The following PVALEF variants were observed in gnomAD, a reference collection of about 807,000 sequenced individuals.
PVALEF encodes the protein parvalbumin-like EF-hand-containing protein.
Under a neutral mutation model 1.2 loss-of-function variants are expected in PVALEF, and 2 were observed. That is an observed-to-expected ratio of 1.68 (90% CI 0.69 to 5.28). The LOEUF (loss-of-function observed/expected upper bound fraction) is 5.28. Among genes scored for constraint, PVALEF ranks in the 30% most tolerant of loss-of-function variants. The pLI, the probability that PVALEF is intolerant of heterozygous loss-of-function variation, is 0.06. For synonymous variants in PVALEF, 16 were observed against 6.5 expected (o/e 2.47, Z -2.24); for missense variants, 35 against 17.7 (o/e 1.97, Z -1.75).
chr17:81,166,946 T>C (rs1169616850), intron 2 of PVALEF, 102 bp downstream of exon 2: 2 of 325,176 alleles, frequency 6.2e-6, no homozygotes, highest in Non-Finnish European at 1.2e-5. Context: ...CCTTGCAGGG[T>C]TGGGGCGGGG....
In PVALEF at chr17:81,181,007, C is replaced by T. The variant is rs2061551721; in HGVS notation, c.-104-116C>T. The T allele has an allele frequency of 1.9e-5, 10 of 515,130 alleles. No homozygotes were observed. In the South Asian group the frequency reaches 2.1e-4, roughly 11 times the overall value. The allele number at this position is 515,130 out of a possible 1,614,324, so 31.9% of individuals were successfully genotyped here. On this transcript the variant is annotated intron_variant, in intron 3 of 6. Coordinates refer to ENST00000637878, the MANE Select transcript of PVALEF (RefSeq NM_001354639.2). ...GCGCACAGGATGGCCCGGCCCCTCC[C>T]GCTGACCCCTCTGCCTGTGCCCAGA...
intron 2 of PVALEF, among the ~76,000 whole-genome samples, chr17:81,173,548 T>C (rs976521276): frequency 1.3e-5 from 2 of 152,154 alleles, no homozygotes; most frequent in African/African-American, 2.4e-5. Flanking sequence ...TATCTTGCTC[T>C]ATAGGAAAGC....
chr17:81,169,808 GTA>G (rs2061512251), intron 2 of PVALEF, among the ~76,000 whole-genome samples: 1 of 151,558 alleles, frequency 6.6e-6, no homozygotes, highest in Non-Finnish European at 1.5e-5. Flanking sequence ...GTCTTGGTAT[GTA>G]TATGTGTGTC....
At chr17:81,170,158 G>T (rs1567835580) in intron 2 of PVALEF, among the ~76,000 whole-genome samples, 1 of 148,760 alleles carries the variant, frequency 6.7e-6, no homozygotes, top group East Asian at 2.0e-4. Context: ...GTGCATATGT[G>T]GTGTGTGTGC....
intron 1 of PVALEF, chr17:81,166,126 C>A (rs886888429): frequency 5.3e-6 from 2 of 376,804 alleles, no homozygotes; most frequent in Non-Finnish European, 7.2e-6. Flanking sequence ...CCCGCGCCCC[C>A]CGCCGCAGCC....
chr17:81,173,803 A>G (rs1040124796), intron 2 of PVALEF, among the ~76,000 whole-genome samples: 2 of 152,208 alleles, frequency 1.3e-5, no homozygotes, highest in Admixed American at 6.5e-5. Context: ...AACTCACTCT[A>G]TGAGGCCAGC....
chr17:81,168,728 A>G (rs960451678), intron 2 of PVALEF, among the ~76,000 whole-genome samples: 1 of 152,206 alleles, frequency 6.6e-6, no homozygotes, highest in African/African-American at 2.4e-5. Context: ...CGAAGAGGAA[A>G]AAGGCCAAGA....
chr17:81,169,937 CAT>C (rs563917499), intron 2 of PVALEF, among the ~76,000 whole-genome samples: 95 of 150,396 alleles, frequency 6.3e-4, no homozygotes, highest in South Asian at 3.2e-3. Flanking sequence ...TGTGTGTCTG[CAT>C]ATGTGTAGGC....
chr17:81,169,842 GTA>G (rs899276398), intron 2 of PVALEF, among the ~76,000 whole-genome samples: 4 of 140,698 alleles, frequency 2.8e-5, no homozygotes, highest in African/African-American at 5.2e-5. Flanking sequence ...GTCTTGGTAG[GTA>G]TATGTGTGTG....
At chr17:81,168,178 G>A (rs1380972834) in intron 2 of PVALEF, among the ~76,000 whole-genome samples, 1 of 152,198 alleles carries the variant, frequency 6.6e-6, no homozygotes, top group African/African-American at 2.4e-5. Context: ...GGCATGTTGG[G>A]GAGAGTTTCT....
rs1323888127 is a variant in PVALEF at position 81,165,762 on chromosome 17, C to T, written c.-508+15C>T. 4 of 1,517,338 alleles carry T rather than the reference C, an allele frequency of 2.6e-6. No homozygotes were observed. The African/African-American group carries it at 5.6e-5, about 21-fold the overall frequency. The allele number at this position is 1,517,338 out of a possible 1,614,324, so 94.0% of individuals were successfully genotyped here. On this transcript the variant is annotated intron_variant, in intron 1 of 6. Coordinates refer to ENST00000637878, the MANE Select transcript of PVALEF (RefSeq NM_001354639.2). ...GGCGGAGGCCGGTTTGTGCTGGGGC[C>T]CAGGGCCTGCCCCTCCGAGATCTGG...
chr17:81,182,561 T>A (rs930322043), intron 6 of PVALEF, among the ~76,000 whole-genome samples: 2 of 152,156 alleles, frequency 1.3e-5, no homozygotes, highest in African/African-American at 2.4e-5. Flanking sequence ...GTCACAAGGC[T>A]TGACAGGCAT....
intron 2 of PVALEF, among the ~76,000 whole-genome samples, chr17:81,172,450 G>C (rs1284650502): frequency 6.6e-6 from 1 of 152,210 alleles, no homozygotes; most frequent in African/African-American, 2.4e-5. Flanking sequence ...GAACCCTGAA[G>C]CTTCTCCTGG....
At position 81,182,044 on chromosome 17, in the gene PVALEF, G is replaced by A. The variant is rs192869137; in HGVS notation, c.321G>A (p.Ala107=). 3.8e-4 allele frequency: 150 copies of A among 398,790 alleles called. 1 individual carries two copies. The highest frequency in any genetic ancestry group is 3.5e-3 in the East Asian group (99 of 28,082). 24.7% of individuals were successfully genotyped at this position (398,790 alleles called of 1,614,324 possible). A position where few individuals can be genotyped will look rare whatever the true frequency, so the allele number is the denominator to read the frequency against. ...TDEEAEAMIQ[A]ADTHGDGRIN... The stretch of plus-strand genomic sequence containing the variant: ...AGGAGGCCGAGGCCATGATCCAGGC[G>A]GCAGACACACACGGGGACGGGAGGA... Residue 107 remains alanine (A), a synonymous_variant, in exon 6 of 7, where the codon GCG becomes GCA. Transcript: ENST00000637878.
intron 3 of PVALEF, among the ~76,000 whole-genome samples, chr17:81,180,482 G>C (rs1214980042): frequency 6.6e-6 from 1 of 152,132 alleles, no homozygotes; most frequent in Non-Finnish European, 1.5e-5. Context: ...CTGGCTGGGG[G>C]AATCAGCCAC....
intron 2 of PVALEF, among the ~76,000 whole-genome samples, chr17:81,176,727 T>C (rs2061536865): frequency 1.3e-5 from 2 of 152,022 alleles, no homozygotes; most frequent in African/African-American, 4.8e-5. Context: ...TAAATCAGAA[T>C]GACAGTATCA....
At chr17:81,182,230 C>T in intron 6 of PVALEF, 149 bp downstream of exon 6, 1 of 396,270 alleles carries the variant, frequency 2.5e-6, no homozygotes, top group East Asian at 3.6e-5. Flanking sequence ...AGTCTAGGTG[C>T]TCTTCCCTGG....
intron 2 of PVALEF, among the ~76,000 whole-genome samples, chr17:81,169,743 T>C (rs2061511757): frequency 7.0e-6 from 1 of 142,888 alleles, no homozygotes; most frequent in African/African-American, 2.5e-5. Flanking sequence ...CGTGTGTGTG[T>C]ACGTGTCTAT....
chr17:81,165,679 T>C lies in PVALEF; in HGVS notation c.-576T>C, dbSNP rs907062511. ...CCACGCAGGCCCTCCGTGCCCCAGT[T>C]ACCTGTGCCCTGGAGGCAGCCACGG... On this transcript the variant is annotated 5_prime_UTR_variant, in exon 1 of 7. Transcript: ENST00000637878. The C allele has an allele frequency of 5.1e-5, 77 of 1,512,006 alleles. No homozygotes were observed. Among genetic ancestry groups the C allele is most frequent in the Non-Finnish European group, 6.2e-5 (70 of 1,131,704 alleles). 93.7% of individuals were successfully genotyped at this position (1,512,006 alleles called of 1,614,324 possible). A position where few individuals can be genotyped will look rare whatever the true frequency, so the allele number is the denominator to read the frequency against.
Sources: allele counts gnomAD v4.1 joint callset (sites outside exome capture counted in the v4.1 genomes callset), GRCh38; gene constraint gnomAD v4.1.1; transcripts MANE v1.5; gene names NCBI Gene and HGNC (gene_info 2026-07-23, HGNC 2026-07-21).